SLC24A3: variants seen among roughly 807,000 people sequenced by gnomAD.
SLC24A3 encodes solute carrier family 24 member 3.
Under a neutral mutation model 75.8 loss-of-function variants are expected in SLC24A3, and 28 were observed. The ratio of observed to expected loss-of-function variants is 0.37; its 90% CI spans 0.27 to 0.51. The LOEUF (loss-of-function observed/expected upper bound fraction) is 0.51. Among genes scored for constraint, SLC24A3 ranks in the 20% least tolerant of loss-of-function variants. SLC24A3 has a pLI of 0.94. For synonymous variants in SLC24A3, 372 were observed against 334.1 expected, an observed-to-expected ratio of 1.11 and a Z score of -1.24; for missense variants, 663 against 847.8, an observed-to-expected ratio of 0.78 and a Z score of 2.71.
chr20:19,688,033 G>C (rs1187441558), intron 12 of SLC24A3, among the ~76,000 whole-genome samples: 1 of 152,188 alleles, frequency 6.6e-6, no homozygotes. Flanking sequence ...ACGATACTCT[G>C]TGTGGTCGTA....
chr20:19,435,874 G>A (rs907576298), intron 2 of SLC24A3, among the ~76,000 whole-genome samples: 7 of 152,118 alleles, frequency 4.6e-5, no homozygotes, highest in African/African-American at 1.7e-4. Context: ...GCCCAAACTG[G>A]TTCCAAGAAT....
chr20:19,455,669 C>A (rs899659100), intron 2 of SLC24A3, among the ~76,000 whole-genome samples: 3 of 152,218 alleles, frequency 2.0e-5, no homozygotes, highest in African/African-American at 7.2e-5. Flanking sequence ...TCTCTCAGAG[C>A]ATCCCCAGGA....
chr20:19,337,775 C>G (rs1985169731), intron 2 of SLC24A3, among the ~76,000 whole-genome samples: 1 of 152,164 alleles, frequency 6.6e-6, no homozygotes. Flanking sequence ...GGTTGCTGAG[C>G]TTGTTCATGC....
At chr20:19,402,048 A>G (rs1168526094) in intron 2 of SLC24A3, among the ~76,000 whole-genome samples, 8 of 152,220 alleles carry the variant, frequency 5.3e-5, no homozygotes, top group African/African-American at 1.9e-4. Context: ...GAGAACCCAA[A>G]ATAAGGCAGG....
chr20:19,398,452 T>A (rs1986495140), intron 2 of SLC24A3, among the ~76,000 whole-genome samples: 1 of 152,198 alleles, frequency 6.6e-6, no homozygotes, highest in African/African-American at 2.4e-5. Context: ...AAATTTTTGA[T>A]ATTTTGTTTT....
intron 2 of SLC24A3, among the ~76,000 whole-genome samples, chr20:19,413,637 G>C (rs916155618): frequency 3.9e-5 from 6 of 152,148 alleles, no homozygotes; most frequent in African/African-American, 1.4e-4. Flanking sequence ...CTTTGCAGCA[G>C]ACTGATGATT....
chr20:19,552,338 C>G (rs571198560), intron 3 of SLC24A3, among the ~76,000 whole-genome samples: 1 of 152,296 alleles, frequency 6.6e-6, no homozygotes, highest in East Asian at 1.9e-4. Context: ...CAAAGCTCCT[C>G]CCTCTCACAT....
chr20:19,677,773 G>A (rs1392212349), intron 9 of SLC24A3, among the ~76,000 whole-genome samples: 23 of 147,944 alleles, frequency 1.6e-4, no homozygotes, highest in Non-Finnish European at 2.7e-4. Context: ...TGGCAGGGTC[G>A]TAGGACAATA....
intron 6 of SLC24A3, among the ~76,000 whole-genome samples, chr20:19,596,323 G>A (rs573194766): frequency 1.3e-5 from 2 of 152,240 alleles, no homozygotes; most frequent in African/African-American, 4.8e-5. Flanking sequence ...AGGGTTTGCA[G>A]GTCAGTTGGA....
rs183630739 is a variant in SLC24A3 at position 19,633,866 on chromosome 20, A to C, written c.613-20196A>C. Among the ~76,000 whole-genome samples, 531 of 152,226 alleles carry C rather than the reference A, an allele frequency of 3.5e-3. 9 individuals carry two copies. The highest frequency in any genetic ancestry group is 0.027 in the Admixed American group (413 of 15,290). On this transcript the variant is annotated intron_variant, in intron 6 of 16. Coordinates refer to ENST00000328041, the MANE Select transcript of SLC24A3 (RefSeq NM_020689.4). Reference sequence around the variant, plus strand: ...CTTCTTAAGGAGTTGTGTGAGAATTACATTAATTAAAGCATGCAGAGGAAA... The same window carrying C: ...CTTCTTAAGGAGTTGTGTGAGAATTCCATTAATTAAAGCATGCAGAGGAAA...
Position 19,685,250 on chromosome 20 carries a change from G to T in SLC24A3, c.1213G>T (p.Ala405Ser). ...TGGGACACGGAGGGACGATGTTGTG[G>T]CTGAGGCTGGCAACGAAACAGAGAA... Reference protein sequence around the residue: ...VNGTRRDDVVAEAGNETENEN... With the variant: ...VNGTRRDDVVSEAGNETENEN... The change falls in exon 12 of 17, where the codon GCT becomes TCT. Residue 405 changes from alanine (A) to serine (S), a missense_variant. Physicochemically the swap from Ala to Ser is moderately conservative, Grantham distance 99. Around this residue, in one of 2 missense-constraint regions of SLC24A3, gnomAD observed 510 missense variants for 703.6 expected, o/e 0.72. Transcript: ENST00000328041. 6.2e-7 allele frequency: 1 copy of T among 1,614,150 alleles called. No individual in the cohort carries two copies. Among genetic ancestry groups the T allele is most frequent in the African/African-American group, 1.3e-5 (1 of 75,008 alleles).
At chr20:19,409,675 A>G (rs1986710240) in intron 2 of SLC24A3, among the ~76,000 whole-genome samples, 1 of 152,136 alleles carries the variant, frequency 6.6e-6, no homozygotes, top group Non-Finnish European at 1.5e-5. Flanking sequence ...AGTATAAAAT[A>G]TTATGTGACT....
intron 2 of SLC24A3, among the ~76,000 whole-genome samples, chr20:19,471,703 G>A (rs1215196360): frequency 6.6e-6 from 1 of 152,162 alleles, no homozygotes; most frequent in Non-Finnish European, 1.5e-5. Flanking sequence ...TGGGAATGAA[G>A]AAAAGAAAGT....
intron 6 of SLC24A3, among the ~76,000 whole-genome samples, chr20:19,644,959 AC>A (rs1188733915): frequency 6.6e-6 from 1 of 152,352 alleles, no homozygotes; most frequent in East Asian, 1.9e-4. Flanking sequence ...ACATGAAGCA[AC>A]AACCATAGCC....
At chr20:19,463,103 T>C (rs1987705133) in intron 2 of SLC24A3, among the ~76,000 whole-genome samples, 1 of 152,230 alleles carries the variant, frequency 6.6e-6, no homozygotes, top group Non-Finnish European at 1.5e-5. Flanking sequence ...TTAACCTCTT[T>C]TCCTGTAAAT....
At chr20:19,606,719 C>T (rs2031602270) in intron 6 of SLC24A3, among the ~76,000 whole-genome samples, 1 of 152,124 alleles carries the variant, frequency 6.6e-6, no homozygotes, top group Non-Finnish European at 1.5e-5. Flanking sequence ...AGGTCATGAA[C>T]CAGAGGAGAA....
At chr20:19,525,544 C>A (rs946820949) in intron 3 of SLC24A3, among the ~76,000 whole-genome samples, 1 of 152,100 alleles carries the variant, frequency 6.6e-6, no homozygotes, top group African/African-American at 2.4e-5. Context: ...TGACCTCAAG[C>A]AGGGCAGGGG....
chr20:19,435,537 C>T (rs771679277), intron 2 of SLC24A3, among the ~76,000 whole-genome samples: 2 of 152,208 alleles, frequency 1.3e-5, no homozygotes, highest in Non-Finnish European at 2.9e-5. Context: ...AGATGATGTG[C>T]TCACAGTTCA....
intron 3 of SLC24A3, among the ~76,000 whole-genome samples, chr20:19,573,387 T>G (rs991677274): frequency 6.6e-6 from 1 of 152,218 alleles, no homozygotes; most frequent in Non-Finnish European, 1.5e-5. Flanking sequence ...CCTGATGAGA[T>G]AGTAATTATT....
Sources: gnomAD v4.1 joint callset for allele counts (sites outside exome capture counted in the v4.1 genomes callset) on GRCh38, gnomAD v4.1.1 for gene constraint, gnomAD v4.1.1 regional missense constraint, MANE v1.5 for transcripts, NCBI Gene and HGNC (gene_info 2026-07-23, HGNC 2026-07-21) for gene names.